The following KIFBP variants were observed in gnomAD, a reference collection of about 807,000 sequenced individuals.
KIFBP encodes kinesin family binding protein.
KIFBP carries 46 observed loss-of-function variants against 58.9 expected under a neutral mutation model. That is an observed-to-expected ratio of 0.78 (90% CI 0.62 to 1.00). KIFBP has a LOEUF of 1.00. Among genes scored for constraint, KIFBP ranks in the 50% least tolerant of loss-of-function variants. The probability of loss-of-function intolerance (pLI) is 0.00; values close to 1 mark genes in which losing one functional copy is unlikely to be tolerated. For missense variants in KIFBP, 651 were observed against 752.9 expected, an observed-to-expected ratio of 0.86 and a Z score of 1.58; for synonymous variants, 241 against 283.4, an observed-to-expected ratio of 0.85 and a Z score of 1.50.
In KIFBP at chr10:68,989,025, G is replaced by A; in HGVS notation, c.193G>A (p.Asp65Asn). The A allele has an allele frequency of 6.2e-7, 1 of 1,613,848 alleles. No individual in the cohort carries two copies. Among genetic ancestry groups the A allele is most frequent in the Non-Finnish European group, 8.5e-7 (1 of 1,179,840 alleles). ...CGAGGATGAGCGGCCTGAGGCCGAGGACGGCCCGGGTGCCGGTGACCACGC... is the reference window on the plus strand; with the variant it reads ...CGAGGATGAGCGGCCTGAGGCCGAGAACGGCCCGGGTGCCGGTGACCACGC... The part of the protein sequence containing the change: ...EDEDERPEAE[D>N]GPGAGDHALG... Residue 65 changes from aspartate (D) to asparagine (N), a missense_variant, in exon 1 of 7, where the codon GAC becomes AAC. By Grantham distance (23) the Asp-to-Asn change is conservative (BLOSUM62 1). Coordinates refer to ENST00000361983, the MANE Select transcript of KIFBP (RefSeq NM_015634.4).
intron 1 of KIFBP, among the ~76,000 whole-genome samples, chr10:68,998,774 T>A (rs867984775): frequency 0.05 from 6,046 of 121,140 alleles, 286 homozygotes; most frequent in African/African-American, 0.16. Context: ...TATATATATT[T>A]TTTTTTTTTT....
At position 69,005,136 on chromosome 10, in the gene KIFBP, A is replaced by G. The variant is rs765730994; in HGVS notation, c.605+11A>G. 1 of 1,575,804 alleles carries G rather than the reference A, an allele frequency of 6.3e-7. No homozygotes were observed. The highest frequency in any genetic ancestry group is 8.7e-7 in the Non-Finnish European group (1 of 1,145,118). On this transcript the variant is annotated intron_variant, in intron 3 of 6. Transcript: ENST00000361983. ...AGAGAGATCAAAAAGGTGAGTAGGT[A>G]TAGAAATCAGCCCTTGCAAATATTT...
At position 69,014,723 on chromosome 10, in the gene KIFBP, C is replaced by G. The variant is rs1041843642; in HGVS notation, c.991-818C>G. 3.2e-4 allele frequency among the ~76,000 whole-genome samples: 46 copies of G among 143,632 alleles called. 1 individual carries two copies. Among genetic ancestry groups the G allele is most frequent in the Admixed American group, 2.7e-3 (38 of 14,244 alleles). 94.2% of individuals were successfully genotyped at this position (143,632 alleles called of 152,430 possible). ...TTCTTTCTTTTTTTATTTGCCCCCC[C>G]CCACCCCCAAGAGGTAGAGGAGATA... is the stretch of plus-strand genomic sequence containing the variant. On this transcript the variant is annotated intron_variant, in intron 6 of 6. Coordinates refer to ENST00000361983, the MANE Select transcript of KIFBP (RefSeq NM_015634.4).
intron 6 of KIFBP, among the ~76,000 whole-genome samples, chr10:69,012,228 T>C (rs1843602731): frequency 6.6e-6 from 1 of 152,174 alleles, no homozygotes; most frequent in Non-Finnish European, 1.5e-5. Context: ...TTGCCTCTAT[T>C]TCCTCACAAG....
chr10:69,016,543 T>A lies in KIFBP; in HGVS notation c.*127T>A. ...AGTGCAGTTTGAACTTGAGATACAG[T>A]CAACTGAGTGTTTGCTAGGATCCTA... On this transcript the variant is annotated 3_prime_UTR_variant, in exon 7 of 7. Transcript: ENST00000361983. 3 of 879,382 alleles carry A rather than the reference T, an allele frequency of 3.4e-6. No individual in the cohort carries two copies. Among genetic ancestry groups the A allele is most frequent in the South Asian group, 1.5e-5 (1 of 68,038 alleles). 54.5% of individuals were successfully genotyped at this position (879,382 alleles called of 1,614,324 possible). A position where few individuals can be genotyped will look rare whatever the true frequency, so the allele number is the denominator to read the frequency against.
intron 6 of KIFBP, among the ~76,000 whole-genome samples, chr10:69,013,848 C>T (rs901998886): frequency 1.2e-4 from 18 of 152,282 alleles, no homozygotes; most frequent in African/African-American, 4.3e-4. Flanking sequence ...CTCCCTGGCT[C>T]AAGCAGTCCT....
chr10:68,994,758 A>G (rs1291401063), intron 1 of KIFBP, among the ~76,000 whole-genome samples: 1 of 152,102 alleles, frequency 6.6e-6, no homozygotes, highest in Non-Finnish European at 1.5e-5. Flanking sequence ...TTTGACATAT[A>G]TATTTATACC....
intron 2 of KIFBP, among the ~76,000 whole-genome samples, chr10:69,002,867 C>T (rs1044980527): frequency 6.6e-6 from 1 of 151,698 alleles, no homozygotes; most frequent in African/African-American, 2.4e-5. Flanking sequence ...TGCCACTGCA[C>T]GCCAGCCTAG....
chr10:68,994,573 A>G (rs548058191), intron 1 of KIFBP, among the ~76,000 whole-genome samples: 3 of 152,122 alleles, frequency 2.0e-5, no homozygotes, highest in Admixed American at 6.6e-5. Flanking sequence ...CACTGGCACT[A>G]CCATCTTGAT....
At chr10:69,001,866 G>A (rs550018571) in intron 2 of KIFBP, among the ~76,000 whole-genome samples, 3 of 151,796 alleles carry the variant, frequency 2.0e-5, no homozygotes, top group Non-Finnish European at 2.9e-5. Context: ...AAATTCATGC[G>A]TCAGAATGCT....
chr10:69,000,392 ATTGT>A lies in KIFBP; in HGVS notation c.427-25_427-22del, dbSNP rs758543596. 3.4e-5 allele frequency: 47 copies of A among 1,393,102 alleles called. No individual in the cohort carries two copies. The African/African-American group carries it at 5.4e-4, about 16-fold the overall frequency. 86.3% of individuals were successfully genotyped at this position (1,393,102 alleles called of 1,614,324 possible). A position where few individuals can be genotyped will look rare whatever the true frequency, so the allele number is the denominator to read the frequency against. Reference sequence around the variant, plus strand: ...TTACTTTAATTGGAAGTCTTATATCATTGTTTGTTTCTCTTTTTCTTTATTTTCC... The same window carrying A: ...TTACTTTAATTGGAAGTCTTATATCATTGTTTCTCTTTTTCTTTATTTTCC... On this transcript the variant is annotated intron_variant, in intron 1 of 6. Transcript: ENST00000361983.
At chr10:69,004,582 G>A (rs925708233) in intron 2 of KIFBP, among the ~76,000 whole-genome samples, 3 of 152,054 alleles carry the variant, frequency 2.0e-5, no homozygotes, top group Non-Finnish European at 2.9e-5. Flanking sequence ...TACTTGTTGA[G>A]GCGGGTGCAG....
rs1355494591 is a variant in KIFBP, at chr10:69,005,877, A to G, written c.751A>G (p.Ile251Val). Residue 251 changes from isoleucine to valine, a missense_variant, in exon 4 of 7, where the codon ATC becomes GTC. By Grantham distance (29) the Ile-to-Val change is conservative (BLOSUM62 3). Coordinates refer to ENST00000361983, the MANE Select transcript of KIFBP (RefSeq NM_015634.4). ...TGCCTACCATCCTATAGAGTGGGCT[A>G]TCAATGCTGCTACCTTGTCACAGTT... ...HNAYHPIEWA[I>V]NAATLSQFYI... 1 of 1,614,132 alleles carries G rather than the reference A, an allele frequency of 6.2e-7. No homozygotes were observed. The highest frequency in any genetic ancestry group is 1.7e-5 in the Admixed American group (1 of 60,010).
At chr10:68,998,771 A>ATATATATTTTT (rs1357079794) in intron 1 of KIFBP, among the ~76,000 whole-genome samples, 5 of 99,864 alleles carry the variant, frequency 5.0e-5, no homozygotes, top group Non-Finnish European at 9.8e-5. Flanking sequence ...ATATATATAT[A>ATATATATTTTT]TTTTTTTTTT....
At chr10:69,010,749 G>A in intron 5 of KIFBP, 151 bp from the exon 6 acceptor site, 3 of 653,448 alleles carry the variant, frequency 4.6e-6, no homozygotes, top group South Asian at 3.4e-5. Context: ...GATTTGGGGG[G>A]GGATCTTTCT....
intron 2 of KIFBP, among the ~76,000 whole-genome samples, chr10:69,002,332 G>A (rs57909032): frequency 6.6e-6 from 1 of 151,656 alleles, no homozygotes; most frequent in Non-Finnish European, 1.5e-5. Context: ...GCTAATTTTT[G>A]TATTTTTATA....
At chr10:69,008,391 AATATATATATAT>A (rs1173764355) in intron 4 of KIFBP, among the ~76,000 whole-genome samples, 8 of 71,614 alleles carry the variant, frequency 1.1e-4, no homozygotes, top group South Asian at 8.3e-4. Flanking sequence ...AAAAAAAAAA[AATATATATATAT>A]ATATATATAT....
At chr10:68,993,652 C>T (rs1417210947) in intron 1 of KIFBP, among the ~76,000 whole-genome samples, 1 of 151,420 alleles carries the variant, frequency 6.6e-6, no homozygotes, top group African/African-American at 2.4e-5. Flanking sequence ...TGGGGTCTCA[C>T]TATATTGACC....
At position 69,015,601 on chromosome 10, in the gene KIFBP, G is replaced by C; in HGVS notation, c.1051G>C (p.Glu351Gln). The C allele has an allele frequency of 1.2e-6, 2 of 1,613,634 alleles. No individual in the cohort carries two copies. Among genetic ancestry groups the C allele is most frequent in the Non-Finnish European group, 1.7e-6 (2 of 1,179,912 alleles). ...QSELRALRKK[E>Q]LDEEESIRKK... ...TGAACTTAGAGCTTTAAGGAAAAAA[G>C]AACTAGATGAGGAGGAAAGCATTCG... Residue 351 changes from glutamate to glutamine, a missense_variant, in exon 7 of 7, where the codon GAA (glutamate) becomes CAA (glutamine). Glu to Gln is a conservative substitution (Grantham distance 29, BLOSUM62 2). Transcript: ENST00000361983.
Sources: allele counts gnomAD v4.1 joint callset (sites outside exome capture counted in the v4.1 genomes callset), GRCh38; gene constraint gnomAD v4.1.1; transcripts MANE v1.5; gene names NCBI Gene and HGNC (gene_info 2026-07-23, HGNC 2026-07-21).